Variants in ZNF324B observed in about 807,000 individuals in gnomAD.
ZNF324B encodes zinc finger protein 324B.
Under a neutral mutation model 10.6 loss-of-function variants are expected in ZNF324B, and 7 were observed. The observed-to-expected ratio is 0.66, with a 90% CI of 0.38 to 1.24. The LOEUF (loss-of-function observed/expected upper bound fraction) is 1.24. Among genes scored for constraint, ZNF324B ranks in the 50% most tolerant of loss-of-function variants. The pLI, the probability that ZNF324B is intolerant of heterozygous loss-of-function variation, is 0.02. For synonymous variants in ZNF324B, 316 were observed against 321.0 expected (o/e 0.98, Z 0.17); for missense variants, 640 against 764.7 (o/e 0.84, Z 1.92).
chr19:58,434,287 T>C, the ZNF324B span: 1 of 1,614,194 alleles, frequency 6.2e-7, no homozygotes, highest in Non-Finnish European at 8.5e-7. Flanking sequence ...ATTGGAGCTT[T>C]GGCTGAAGGC....
the ZNF324B span, chr19:58,434,185 T>G: frequency 6.2e-7 from 1 of 1,614,184 alleles, no homozygotes; most frequent in African/African-American, 1.3e-5. Context: ...TCTCCAGTGC[T>G]GAATGAGAGC....
chr19:58,430,331 A>G, the ZNF324B span: 1 of 152,332 alleles, frequency 6.6e-6, no homozygotes, highest in East Asian at 1.9e-4. Context: ...TAGCTGCACC[A>G]AAGTTCCTGA....
the ZNF324B span, among the ~76,000 whole-genome samples, chr19:58,427,452 C>CCTTCCTT: frequency 7.2e-4 from 34 of 47,042 alleles, no homozygotes; most frequent in Admixed American, 2.0e-3. Context: ...CCTTTCCTTT[C>CCTTCCTT]CCTTCCTTCC....
chr19:58,446,573 C>CTCTCTCT, the ZNF324B span, among the ~76,000 whole-genome samples: 57 of 102,508 alleles, frequency 5.6e-4, no homozygotes, highest in African/African-American at 2.2e-3. Flanking sequence ...ATTTCTTTCT[C>CTCTCTCT]TTTTTTTTTT....
In ZNF324B at chr19:58,454,300, A is replaced by G; in HGVS notation, c.194A>G (p.Lys65Arg). The G allele has an allele frequency of 6.2e-7, 1 of 1,614,130 alleles. No homozygotes were observed. Among genetic ancestry groups the G allele is most frequent in the Non-Finnish European group, 8.5e-7 (1 of 1,179,986 alleles). The stretch of plus-strand genomic sequence containing the variant: ...GAGGAGCCCTGGGTTCCCAGTGGAA[A>G]GGACATGACCCTGGCCAGGAACACC... ...RGEEPWVPSGKDMTLARNTYG... is the reference protein window; with the variant it reads ...RGEEPWVPSGRDMTLARNTYG... Residue 65 changes from lysine to arginine, a missense_variant, in exon 3 of 4, where the codon AAG becomes AGG. Physicochemically the swap from Lys to Arg is conservative, Grantham distance 26. This residue lies in a region of ZNF324B where 345 missense variants were observed against 387.9 expected (regional missense o/e 0.89). Transcript: ENST00000336614.
chr19:58,426,718 C>T, the ZNF324B span, among the ~76,000 whole-genome samples: 1 of 152,136 alleles, frequency 6.6e-6, no homozygotes, highest in African/African-American at 2.4e-5. Context: ...GGTTGAGAAG[C>T]CTTTCAAGGG....
intron 1 of ZNF324B, chr19:58,452,792 A>C (rs1465871844): frequency 2.2e-5 from 7 of 322,904 alleles, no homozygotes; most frequent in Non-Finnish European, 3.1e-5. Flanking sequence ...GGTAAAGAAA[A>C]CCGGCTGGGG....
upstream of ZNF324B, among the ~76,000 whole-genome samples, chr19:58,450,482 A>T (rs1413524850): frequency 6.7e-6 from 1 of 149,628 alleles, no homozygotes; most frequent in Non-Finnish European, 1.5e-5. Context: ...AAAAAAAAAA[A>T]GTAAAAAAAA....
the ZNF324B span, chr19:58,439,695 T>G: frequency 6.8e-7 from 1 of 1,465,462 alleles, no homozygotes. Context: ...CCCCTCTATC[T>G]GGGCTTCAGG....
At chr19:58,426,079 C>T in the ZNF324B span, among the ~76,000 whole-genome samples, 1 of 152,180 alleles carries the variant, frequency 6.6e-6, no homozygotes, top group African/African-American at 2.4e-5. Flanking sequence ...GAGTTCTTGG[C>T]ATTTTGGAGA....
At chr19:58,439,145 A>G in the ZNF324B span, among the ~76,000 whole-genome samples, 1 of 152,142 alleles carries the variant, frequency 6.6e-6, no homozygotes, top group Admixed American at 6.5e-5. Flanking sequence ...GTTTGGGCAG[A>G]TTCAGAAGCC....
At chr19:58,424,733 T>C in the ZNF324B span, among the ~76,000 whole-genome samples, 1 of 151,688 alleles carries the variant, frequency 6.6e-6, no homozygotes, top group East Asian at 1.9e-4. Flanking sequence ...CCAGCTACAT[T>C]GGGCAGGAGG....
Position 58,456,123 on chromosome 19 carries a change from C to G in ZNF324B, c.1179C>G (p.Gly393=). The G allele has an allele frequency of 6.2e-7, 1 of 1,613,376 alleles. No individual in the cohort carries two copies. The highest frequency in any genetic ancestry group is 8.5e-7 in the Non-Finnish European group (1 of 1,179,858). ...HLIQHERTHT[G]EKPFVCALCG... The stretch of plus-strand genomic sequence containing the variant: ...TCCAGCACGAGCGTACGCACACAGG[C>G]GAGAAGCCCTTCGTATGCGCGCTCT... Residue 393 remains glycine, a synonymous_variant, in exon 4 of 4, where the codon GGC becomes GGG. Coordinates refer to ENST00000336614, the MANE Select transcript of ZNF324B (RefSeq NM_207395.3). This position sits in a 1 kb window ranked among gnomAD's most constrained non-coding sequence, Gnocchi z 4.7.
chr19:58,446,575 T>TCTC, the ZNF324B span, among the ~76,000 whole-genome samples: 11 of 30,688 alleles, frequency 3.6e-4, no homozygotes, highest in African/African-American at 2.0e-3. Flanking sequence ...TTCTTTCTCT[T>TCTC]TTTTTTTTTT....
At chr19:58,445,711 A>G in the ZNF324B span, 13 of 328,382 alleles carry the variant, frequency 4.0e-5, no homozygotes, top group African/African-American at 2.9e-4. Flanking sequence ...GCTACACCAG[A>G]GGCTGAGGCA....
chr19:58,453,912 T>C, intron 2 of ZNF324B, 90 bp downstream of exon 2: 1 of 1,540,538 alleles, frequency 6.5e-7, no homozygotes, highest in Non-Finnish European at 8.8e-7. Context: ...CAGGATCAAA[T>C]CTGGCCAGGG....
At chr19:58,425,675 T>A in the ZNF324B span, among the ~76,000 whole-genome samples, 10 of 151,982 alleles carry the variant, frequency 6.6e-5, no homozygotes, top group African/African-American at 2.2e-4. Context: ...TTCACCATGT[T>A]GGCCAGGCTG....
the ZNF324B span, chr19:58,433,438 G>A: frequency 8.1e-6 from 13 of 1,613,910 alleles, no homozygotes; most frequent in Non-Finnish European, 9.3e-6. Flanking sequence ...CCGAACAAGT[G>A]TAGATCTTTC....
chr19:58,433,018 G>T, the ZNF324B span: 1 of 356,722 alleles, frequency 2.8e-6, no homozygotes. Flanking sequence ...GCTGAGCACA[G>T]TCCTGAATCC....
Sources: allele counts gnomAD v4.1 joint callset (sites outside exome capture counted in the v4.1 genomes callset), GRCh38; gene constraint gnomAD v4.1.1; regional missense constraint gnomAD v4.1.1; non-coding constraint Gnocchi (gnomAD v3.1); transcripts MANE v1.5; gene names NCBI Gene and HGNC (gene_info 2026-07-23, HGNC 2026-07-21).